The following COL23A1 variants were observed in gnomAD, a reference collection of about 807,000 sequenced individuals.
The protein encoded by COL23A1 is collagen alpha-1(XXIII) chain.
In COL23A1, 97 loss-of-function variants were observed where a neutral mutation model predicts 99.3. That is an observed-to-expected ratio of 0.98 (90% CI 0.83 to 1.16). The LOEUF (loss-of-function observed/expected upper bound fraction) is 1.16, where lower values mean the gene tolerates loss of function less well. Ranked by LOEUF, COL23A1 falls within the 50% of genes most tolerant of loss-of-function variation. The pLI, the probability that COL23A1 is intolerant of heterozygous loss-of-function variation, is 0.00. For synonymous variants in COL23A1, 320 were observed against 308.2 expected (o/e 1.04, Z -0.40); for missense variants, 762 against 757.4 (o/e 1.01, Z -0.07).
chr5:178,547,613 CCCACA>C, intron 2 of COL23A1, among the ~76,000 whole-genome samples: 1 of 6,708 alleles, frequency 1.5e-4, no homozygotes, highest in Non-Finnish European at 3.9e-4. Context: ...ACACACACCC[CCCACA>C]CACACCCACC....
chr5:178,336,427 T>C (rs1760320326), intron 2 of COL23A1, among the ~76,000 whole-genome samples: 1 of 152,248 alleles, frequency 6.6e-6, no homozygotes, highest in Non-Finnish European at 1.5e-5. Flanking sequence ...GAAGTACAGA[T>C]ACATGCTATG....
intron 2 of COL23A1, among the ~76,000 whole-genome samples, chr5:178,375,573 T>C (rs1376095666): frequency 1.3e-5 from 2 of 152,244 alleles, no homozygotes; most frequent in African/African-American, 4.8e-5. Context: ...ACAGCCTCGT[T>C]CCTGCTTTCC....
intron 2 of COL23A1, among the ~76,000 whole-genome samples, chr5:178,509,300 C>T (rs1234603612): frequency 6.6e-6 from 1 of 152,052 alleles, no homozygotes; most frequent in Non-Finnish European, 1.5e-5. Context: ...CAGCTCACTG[C>T]AACCTCTGCC....
chr5:178,566,665 A>G (rs1188483203), intron 1 of COL23A1, among the ~76,000 whole-genome samples: 1 of 151,992 alleles, frequency 6.6e-6, no homozygotes, highest in African/African-American at 2.4e-5. Context: ...AAAATATAAA[A>G]ATTAGCCTGA....
intron 2 of COL23A1, among the ~76,000 whole-genome samples, chr5:178,503,673 GATAA>G (rs1758704175): frequency 1.3e-5 from 2 of 152,126 alleles, no homozygotes; most frequent in South Asian, 4.1e-4. Context: ...GGGAGAGAGA[GATAA>G]ATAATTTTAA....
chr5:178,336,025 G>A (rs75849674), intron 2 of COL23A1, among the ~76,000 whole-genome samples: 3,065 of 152,250 alleles, frequency 0.02, 39 homozygotes, highest in South Asian at 0.051. Context: ...AGGCTAATGG[G>A]GACGAAGAAG....
At chr5:178,303,498 C>CCTTTA (rs1758181385) in intron 3 of COL23A1, among the ~76,000 whole-genome samples, 1 of 152,198 alleles carries the variant, frequency 6.6e-6, no homozygotes, top group Non-Finnish European at 1.5e-5. Flanking sequence ...TGGAGAAGAT[C>CCTTTA]TTTAGAAGTC....
chr5:178,571,946 T>C (rs1763122789), intron 1 of COL23A1, among the ~76,000 whole-genome samples: 1 of 151,978 alleles, frequency 6.6e-6, no homozygotes, highest in Non-Finnish European at 1.5e-5. Context: ...CGGGCGCCTG[T>C]AGTCCCAGCT....
At chr5:178,314,165 C>A (rs576285185) in intron 2 of COL23A1, among the ~76,000 whole-genome samples, 16 of 152,226 alleles carry the variant, frequency 1.1e-4, no homozygotes, top group African/African-American at 3.9e-4. Flanking sequence ...CACTGTGGTC[C>A]TCCAGGAATT....
At chr5:178,464,423 T>C (rs557522972) in intron 2 of COL23A1, among the ~76,000 whole-genome samples, 68 of 152,344 alleles carry the variant, frequency 4.5e-4, no homozygotes, top group African/African-American at 1.2e-3. Context: ...TTCCATCATA[T>C]GCATATACCA....
intron 2 of COL23A1, among the ~76,000 whole-genome samples, chr5:178,343,661 A>ATTTT (rs1473582381): frequency 1.4e-4 from 2 of 14,214 alleles, no homozygotes; most frequent in Non-Finnish European, 1.8e-4. Context: ...TTATATATAT[A>ATTTT]TATTTTTTTT....
chr5:178,267,216 G>T, intron 8 of COL23A1, 91 bp downstream of exon 8: 1 of 1,379,716 alleles, frequency 7.2e-7, no homozygotes. Flanking sequence ...GAGCTGCGGG[G>T]AGCTGGGACC....
intron 2 of COL23A1, among the ~76,000 whole-genome samples, chr5:178,422,729 T>G (rs1401708058): frequency 6.6e-6 from 1 of 152,180 alleles, no homozygotes; most frequent in Non-Finnish European, 1.5e-5. Context: ...CGCCGGGGAC[T>G]GTCACTGAAG....
chr5:178,248,989 C>T (rs996131524), intron 19 of COL23A1, 128 bp downstream of exon 19: 20 of 859,062 alleles, frequency 2.3e-5, no homozygotes, highest in South Asian at 5.8e-5. Flanking sequence ...TGTCCCCGGC[C>T]GGCTGGGCAC....
At chr5:178,522,469 A>T (rs1164200592) in intron 2 of COL23A1, among the ~76,000 whole-genome samples, 1 of 152,144 alleles carries the variant, frequency 6.6e-6, no homozygotes, top group African/African-American at 2.4e-5. Context: ...CATTCAGCCA[A>T]GAGATTGTTC....
chr5:178,505,804 G>A (rs1205532609), intron 2 of COL23A1, among the ~76,000 whole-genome samples: 1 of 152,180 alleles, frequency 6.6e-6, no homozygotes, highest in African/African-American at 2.4e-5. Flanking sequence ...CATCCAGAAT[G>A]GGCCCAGAGC....
intron 2 of COL23A1, among the ~76,000 whole-genome samples, chr5:178,535,076 T>C (rs1462542064): frequency 6.6e-6 from 1 of 151,284 alleles, no homozygotes; most frequent in Non-Finnish European, 1.5e-5. Context: ...GTTCAAGCGA[T>C]TCTCCTGCCT....
chr5:178,365,102 C>G lies in COL23A1; in HGVS notation c.362-58183G>C, dbSNP rs967737500. On this transcript the variant is annotated intron_variant, in intron 2 of 28. Transcript: ENST00000390654. The surrounding 1 kb of genome is among the most constrained non-coding windows in gnomAD (Gnocchi z 5.2). ...CAATAACAATCTCTTTGTAATTTCT[C>G]TTTGGGGTGGGCTTTATGATGTTGC... Among the ~76,000 whole-genome samples, 3 of 151,572 alleles carry G rather than the reference C, an allele frequency of 2.0e-5. No homozygotes were observed. Among genetic ancestry groups the G allele is most frequent in the African/African-American group, 7.3e-5 (3 of 41,248 alleles).
chr5:178,317,385 G>A (rs1759037668), intron 2 of COL23A1, among the ~76,000 whole-genome samples: 2 of 152,202 alleles, frequency 1.3e-5, no homozygotes, highest in South Asian at 4.1e-4. Flanking sequence ...AGAATTCCCT[G>A]AGTTGCTTTT....
Sources: gnomAD v4.1 joint callset for allele counts (sites outside exome capture counted in the v4.1 genomes callset) on GRCh38, gnomAD v4.1.1 for gene constraint, Gnocchi (gnomAD v3.1) non-coding constraint, MANE v1.5 for transcripts, NCBI Gene and HGNC (gene_info 2026-07-23, HGNC 2026-07-21) for gene names.